Variants in TPRG1 observed in about 807,000 individuals in gnomAD.
TPRG1 encodes tumor protein p63-regulated gene 1 protein.
Under a neutral mutation model 29.3 loss-of-function variants are expected in TPRG1, and 29 were observed. The observed-to-expected ratio is 0.99, with a 90% confidence interval of 0.74 to 1.35. The LOEUF (loss-of-function observed/expected upper bound fraction) is 1.35, where lower values mean the gene tolerates loss of function less well. TPRG1 is among the 40% of genes most tolerant of loss of function. The pLI, the probability that TPRG1 is intolerant of heterozygous loss-of-function variation, is 0.00. For synonymous variants in TPRG1, 130 were observed against 116.8 expected, an observed-to-expected ratio of 1.11 and a Z score of -0.73; for missense variants, 327 against 335.0, an observed-to-expected ratio of 0.98 and a Z score of 0.19.
chr3:189,249,843 T>G (rs758550080), intron 4 of TPRG1, among the ~76,000 whole-genome samples: 9 of 152,130 alleles, frequency 5.9e-5, no homozygotes, highest in Non-Finnish European at 1.0e-4. Flanking sequence ...ATTTTTCTAC[T>G]TCTACATCAT....
intron 3 of TPRG1, among the ~76,000 whole-genome samples, chr3:189,236,158 A>C (rs1739424844): frequency 6.6e-6 from 1 of 152,172 alleles, no homozygotes; most frequent in Non-Finnish European, 1.5e-5. Flanking sequence ...TGTTTACTTG[A>C]ATTTAGATAT....
intron 3 of TPRG1, among the ~76,000 whole-genome samples, chr3:189,020,416 T>A (rs1713231605): frequency 6.6e-6 from 1 of 151,936 alleles, no homozygotes; most frequent in African/African-American, 2.4e-5. Context: ...GTCCCAGAGA[T>A]TCTGGTATGT....
At chr3:189,120,796 C>T (rs974863464) in intron 1 of TPRG1, among the ~76,000 whole-genome samples, 27 of 152,116 alleles carry the variant, frequency 1.8e-4, no homozygotes, top group Non-Finnish European at 2.5e-4. Context: ...TGGTAAACCT[C>T]GATATAGGTC....
intron 1 of TPRG1, chr3:189,121,263 T>C (rs186250160): frequency 1.3e-5 from 2 of 152,282 alleles, no homozygotes; most frequent in Admixed American, 1.3e-4. Context: ...ATGCCCTGTT[T>C]TACCACATCA....
chr3:189,149,471 G>A (rs1725666249), intron 4 of TPRG1, among the ~76,000 whole-genome samples: 2 of 152,170 alleles, frequency 1.3e-5, no homozygotes, highest in Non-Finnish European at 1.5e-5. Flanking sequence ...TCTGTTCTGT[G>A]AAGACATGGA....
Position 189,238,886 on chromosome 3 carries a change from C to A in TPRG1, c.456C>A (p.Thr152=). 1 of 1,612,926 alleles carries A rather than the reference C, an allele frequency of 6.2e-7. No homozygotes were observed. The highest frequency in any genetic ancestry group is 8.5e-7 in the Non-Finnish European group (1 of 1,179,246). The change falls in exon 4 of 6, where the codon ACC becomes ACA. Residue 152 remains threonine, a synonymous_variant. Coordinates refer to ENST00000345063, the MANE Select transcript of TPRG1 (RefSeq NM_198485.4). ...AVYRICLGKF[T]FPGMSLDKRQ... ...ATCGCATCTGCCTGGGCAAGTTCAC[C>A]TTCCCTGGGATGTCCCTGGACAAGT... is the stretch of plus-strand genomic sequence containing the variant.
At chr3:189,040,450 A>G (rs903055673) in intron 4 of TPRG1, among the ~76,000 whole-genome samples, 1 of 151,986 alleles carries the variant, frequency 6.6e-6, no homozygotes, top group African/African-American at 2.4e-5. Context: ...GGTATTCCCC[A>G]TGGATGGTGC....
intron 4 of TPRG1, among the ~76,000 whole-genome samples, chr3:189,049,523 C>T (rs181432483): frequency 6.6e-5 from 10 of 152,296 alleles, no homozygotes; most frequent in Admixed American, 6.5e-4. Flanking sequence ...ACCTCAGACA[C>T]ACCTAGCCCT....
intron 4 of TPRG1, among the ~76,000 whole-genome samples, chr3:189,261,792 C>T (rs542950496): frequency 3.3e-5 from 5 of 152,226 alleles, no homozygotes; most frequent in East Asian, 3.9e-4. Flanking sequence ...GAGTTTATTA[C>T]GGGATGAGCC....
intron 4 of TPRG1, among the ~76,000 whole-genome samples, chr3:189,073,902 A>G (rs1482969131): frequency 6.6e-6 from 1 of 152,132 alleles, no homozygotes; most frequent in Non-Finnish European, 1.5e-5. Flanking sequence ...TTATCAACAT[A>G]TTTTAGAAAT....
chr3:189,271,372 C>G (rs1715096689), intron 4 of TPRG1, among the ~76,000 whole-genome samples: 1 of 152,106 alleles, frequency 6.6e-6, no homozygotes, highest in African/African-American at 2.4e-5. Flanking sequence ...ATGATGATGC[C>G]TGTCTCATCT....
chr3:189,148,355 G>A (rs754617844), intron 4 of TPRG1, among the ~76,000 whole-genome samples: 4 of 152,174 alleles, frequency 2.6e-5, no homozygotes, highest in East Asian at 1.9e-4. Context: ...TGGAAGAAAC[G>A]GACATGCCCA....
intron 5 of TPRG1, among the ~76,000 whole-genome samples, chr3:189,160,407 G>T (rs1433159914): frequency 1.3e-5 from 2 of 152,156 alleles, no homozygotes; most frequent in Non-Finnish European, 2.9e-5. Flanking sequence ...ACTTTAATTG[G>T]AAGTGTTGGG....
chr3:189,177,896 G>A lies in TPRG1; in HGVS notation c.-10+5765G>A, dbSNP rs141308481. On this transcript the variant is annotated intron_variant, in intron 1 of 5. Coordinates refer to ENST00000345063, the MANE Select transcript of TPRG1 (RefSeq NM_198485.4). The stretch of plus-strand genomic sequence containing the variant: ...CCTCCACTTCTCTCAGGTTCTATTC[G>A]AACCCAGAAGGGAGATGGAGGAGGA... Among the ~76,000 whole-genome samples, 569 of 152,134 alleles carry A rather than the reference G, an allele frequency of 3.7e-3. 2 individuals carry two copies. The highest frequency in any genetic ancestry group is 5.3e-3 in the Non-Finnish European group (363 of 68,010).
intron 1 of TPRG1, among the ~76,000 whole-genome samples, chr3:189,124,113 T>C (rs1042457267): frequency 1.3e-5 from 2 of 152,184 alleles, no homozygotes; most frequent in African/African-American, 4.8e-5. Context: ...ATTCATTGAC[T>C]CACTAATTCA....
chr3:189,242,628 A>T lies in TPRG1; in HGVS notation c.479+3719A>T, dbSNP rs188896589. 5.5e-4 allele frequency among the ~76,000 whole-genome samples: 83 copies of T among 152,222 alleles called. 1 individual carries two copies. The highest frequency in any genetic ancestry group is 4.1e-3 in the Admixed American group (62 of 15,288). ...GTTTTCATATTTTGGCTATGCTGCCATCATAAAACAAGTTGGAAAATGTTC... is the reference window on the plus strand; with the variant it reads ...GTTTTCATATTTTGGCTATGCTGCCTTCATAAAACAAGTTGGAAAATGTTC... On this transcript the variant is annotated intron_variant, in intron 4 of 5. Coordinates refer to ENST00000345063, the MANE Select transcript of TPRG1 (RefSeq NM_198485.4).
At chr3:189,148,666 C>T (rs1725559589) in intron 4 of TPRG1, among the ~76,000 whole-genome samples, 1 of 152,178 alleles carries the variant, frequency 6.6e-6, no homozygotes, top group South Asian at 2.1e-4. Flanking sequence ...CTGCCTGACC[C>T]AGGCAATGAA....
At chr3:189,144,597 T>C (rs572475202) in intron 3 of TPRG1, among the ~76,000 whole-genome samples, 3 of 152,310 alleles carry the variant, frequency 2.0e-5, no homozygotes, top group African/African-American at 7.2e-5. Flanking sequence ...ATTACTTGCA[T>C]CTTATCACAG....
intron 4 of TPRG1, among the ~76,000 whole-genome samples, chr3:189,281,414 C>T (rs1036020295): frequency 3.9e-5 from 6 of 152,160 alleles, no homozygotes; most frequent in African/African-American, 1.4e-4. Context: ...AGCCATGTTA[C>T]TACCCTGAGA....
Sources: allele counts gnomAD v4.1 joint callset (sites outside exome capture counted in the v4.1 genomes callset), GRCh38; gene constraint gnomAD v4.1.1; transcripts MANE v1.5; gene names NCBI Gene and HGNC (gene_info 2026-07-23, HGNC 2026-07-21).